The following SPAG1 variants were observed in gnomAD, a reference collection of about 807,000 sequenced individuals.
The protein encoded by SPAG1 is sperm-associated antigen 1.
In SPAG1, 69 loss-of-function variants were observed where a neutral mutation model predicts 100.5. The observed-to-expected ratio is 0.69, with a 90% CI of 0.57 to 0.84. The LOEUF (loss-of-function observed/expected upper bound fraction) is 0.84. SPAG1 is among the 40% of genes least tolerant of loss of function. The pLI is 0.00. For synonymous variants in SPAG1, 336 were observed against 411.6 expected (o/e 0.82, Z 2.22); for missense variants, 955 against 1,133.1 (o/e 0.84, Z 2.26).
intron 4 of SPAG1, among the ~76,000 whole-genome samples, chr8:100,183,032 T>A: frequency 6.6e-6 from 1 of 152,200 alleles, no homozygotes; most frequent in Middle Eastern, 3.4e-3. Context: ...GGAGTGTAGT[T>A]GCTCGATCTC....
intron 1 of SPAG1, among the ~76,000 whole-genome samples, chr8:100,159,137 TA>T (rs1815198054): frequency 6.6e-6 from 1 of 152,244 alleles, no homozygotes; most frequent in Non-Finnish European, 1.5e-5. Context: ...CAAGGTAATC[TA>T]TTTTAATCCC....
intron 12 of SPAG1, among the ~76,000 whole-genome samples, chr8:100,214,561 A>G (rs540355400): frequency 6.6e-6 from 1 of 152,280 alleles, no homozygotes; most frequent in Admixed American, 6.5e-5. Flanking sequence ...AAGTCCTGTT[A>G]TCCACTGAAG....
Position 100,163,990 on chromosome 8 carries a change from T to G in SPAG1, c.140+1570T>G, listed in dbSNP as rs73279019. 6.1e-3 allele frequency among the ~76,000 whole-genome samples: 922 copies of G among 152,308 alleles called. 15 individuals are homozygous for G. Among genetic ancestry groups the G allele is most frequent in the African/African-American group, 0.022 (895 of 41,562 alleles). On this transcript the variant is annotated intron_variant, in intron 2 of 18. Coordinates refer to ENST00000388798, the MANE Select transcript of SPAG1 (RefSeq NM_003114.5). ...AAATTTAATTTGGAAATGAAATTTA[T>G]TTATATTTTTCTAGAAATGTAAGAG...
At chr8:100,192,771 C>G (rs1472026778) in intron 9 of SPAG1, among the ~76,000 whole-genome samples, 4 of 152,118 alleles carry the variant, frequency 2.6e-5, no homozygotes, top group African/African-American at 9.7e-5. Context: ...TCTGATGCCT[C>G]AACTGTAGTG....
chr8:100,198,072 T>C (rs1490797767), intron 10 of SPAG1, among the ~76,000 whole-genome samples: 1 of 152,214 alleles, frequency 6.6e-6, no homozygotes, highest in Non-Finnish European at 1.5e-5. Context: ...ATTTATTCCA[T>C]CTATCTCCTT....
At chr8:100,201,582 A>G (rs912117986) in intron 10 of SPAG1, among the ~76,000 whole-genome samples, 1 of 152,190 alleles carries the variant, frequency 6.6e-6, no homozygotes, top group African/African-American at 2.4e-5. Flanking sequence ...TTTTGGTCAT[A>G]GTTCCTGATT....
At chr8:100,224,666 C>A (rs1818428017) in intron 13 of SPAG1, among the ~76,000 whole-genome samples, 1 of 152,204 alleles carries the variant, frequency 6.6e-6, no homozygotes, top group South Asian at 2.1e-4. Context: ...ATTCACATGA[C>A]AGCGAGCCCT....
intron 13 of SPAG1, among the ~76,000 whole-genome samples, chr8:100,222,976 C>T (rs956362011): frequency 2.5e-4 from 38 of 152,228 alleles, no homozygotes; most frequent in African/African-American, 8.2e-4. Context: ...TCTGTCTCTA[C>T]GGGTTTATCT....
At chr8:100,217,194 G>A (rs1383519536) in intron 12 of SPAG1, among the ~76,000 whole-genome samples, 25 of 151,988 alleles carry the variant, frequency 1.6e-4, no homozygotes, top group Admixed American at 1.6e-3. Flanking sequence ...ACCTGGTTTG[G>A]CCTCCCAAAG....
chr8:100,193,917 C>G (rs1178980266), intron 9 of SPAG1, among the ~76,000 whole-genome samples, 195 bp from the exon 10 acceptor site: 2 of 151,542 alleles, frequency 1.3e-5, no homozygotes, highest in Non-Finnish European at 2.9e-5. Context: ...ATTTTTTATA[C>G]TTGTTACACC....
At position 100,236,542 on chromosome 8, in the gene SPAG1, C is replaced by T. The variant is rs74627732; in HGVS notation, c.2116-2698C>T. 5.0e-3 allele frequency among the ~76,000 whole-genome samples: 769 copies of T among 152,316 alleles called. 10 individuals are homozygous for T. Among genetic ancestry groups the T allele is most frequent in the African/African-American group, 0.018 (752 of 41,560 alleles). ...GGGTGACTGCAATGAGGAAGTGGCA[C>T]AGGGGCTCACGGTGGCAGGTGTCCT... On this transcript the variant is annotated intron_variant, in intron 16 of 18. Coordinates refer to ENST00000388798, the MANE Select transcript of SPAG1 (RefSeq NM_003114.5).
chr8:100,220,871 G>A (rs1197104161), intron 13 of SPAG1, among the ~76,000 whole-genome samples: 1 of 152,006 alleles, frequency 6.6e-6, no homozygotes, highest in South Asian at 2.1e-4. Context: ...TCAGGAGTTC[G>A]AGACCAGCCT....
intron 3 of SPAG1, among the ~76,000 whole-genome samples, chr8:100,172,169 T>C (rs1815887830): frequency 6.6e-6 from 1 of 152,180 alleles, no homozygotes; most frequent in Admixed American, 6.5e-5. Flanking sequence ...ATGTTGTGTG[T>C]GGTGTTTTTT....
intron 10 of SPAG1, among the ~76,000 whole-genome samples, chr8:100,210,646 T>A (rs1817681246): frequency 6.6e-6 from 1 of 152,146 alleles, no homozygotes; most frequent in African/African-American, 2.4e-5. Context: ...ATCTCAGGGA[T>A]CCTTATGAGC....
rs910745047 is a variant in SPAG1, at chr8:100,177,820, G to A, written c.305G>A (p.Trp102Ter). 2.7e-6 allele frequency: 4 copies of A among 1,484,130 alleles called. No homozygotes were observed. The highest frequency in any genetic ancestry group is 3.8e-6 in the Non-Finnish European group (4 of 1,065,160). The allele number at this position is 1,484,130 out of a possible 1,614,324, so 91.9% of individuals were successfully genotyped here. Reference protein sequence around the residue: ...WEKIDGDIKSWVSEIKKEEDK... With the variant: ...WEKIDGDIKS Reference sequence around the variant, plus strand: ...TACCCTTTTCTCTATTCTCAGAGTTGGGTATCAGAAATTAAAAAAGAAGAA... The same window carrying A: ...TACCCTTTTCTCTATTCTCAGAGTTAGGTATCAGAAATTAAAAAAGAAGAA... Residue 102 changes from tryptophan to a stop codon, truncating the protein, a stop_gained, in exon 4 of 19, where the codon TGG becomes TAG. Transcript: ENST00000388798. LOFTEE classifies it high-confidence loss of function.
intron 16 of SPAG1, among the ~76,000 whole-genome samples, chr8:100,235,555 G>A (rs1050325229): frequency 1.3e-5 from 2 of 152,146 alleles, no homozygotes; most frequent in African/African-American, 4.8e-5. Flanking sequence ...GGAGAGGATT[G>A]TTTTGACTGA....
At chr8:100,218,795 C>G (rs1375493832) in intron 12 of SPAG1, among the ~76,000 whole-genome samples, 3 of 152,102 alleles carry the variant, frequency 2.0e-5, no homozygotes, top group Non-Finnish European at 4.4e-5. Flanking sequence ...CAGAAGGGCT[C>G]CCACAAGTGC....
chr8:100,183,598 GT>G (rs960913267), intron 5 of SPAG1, among the ~76,000 whole-genome samples, 162 bp downstream of exon 5: 3 of 151,622 alleles, frequency 2.0e-5, no homozygotes, highest in Admixed American at 6.6e-5. Flanking sequence ...CACTTTTGAT[GT>G]TTTTTTCAGT....
At chr8:100,218,233 T>C (rs1042934136) in intron 12 of SPAG1, among the ~76,000 whole-genome samples, 1 of 152,250 alleles carries the variant, frequency 6.6e-6, no homozygotes. Context: ...TTTTTATACA[T>C]GGGTGGTTTT....
Sources: gnomAD v4.1 joint callset for allele counts (sites outside exome capture counted in the v4.1 genomes callset) on GRCh38, gnomAD v4.1.1 for gene constraint, MANE v1.5 for transcripts, NCBI Gene and HGNC (gene_info 2026-07-23, HGNC 2026-07-21) for gene names.